The following CD164L2 variants were observed in gnomAD, a reference collection of about 807,000 sequenced individuals.
The protein encoded by CD164L2 is CD164 sialomucin-like 2 protein.
CD164L2 carries 21 observed loss-of-function variants against 23.9 expected under a neutral mutation model. That is an observed-to-expected ratio of 0.88 (90% CI 0.62 to 1.27). The LOEUF (loss-of-function observed/expected upper bound fraction) is 1.27, where lower values mean the gene tolerates loss of function less well. Ranked by LOEUF, CD164L2 falls within the 50% of genes most tolerant of loss-of-function variation. CD164L2 has a pLI of 0.00. For synonymous variants in CD164L2, 92 were observed against 90.2 expected (o/e 1.02, Z -0.11); for missense variants, 230 against 224.8 (o/e 1.02, Z -0.15).
At chr1:27,379,736 G>A (rs1387898526) in intron 5 of CD164L2, 24 of 1,444,952 alleles carry the variant, frequency 1.7e-5, no homozygotes, top group Admixed American at 1.1e-4. Flanking sequence ...CCACAGAAAC[G>A]CGGGCCACAG....
chr1:27,380,232 AC>A (rs1051739897), intron 4 of CD164L2, 37 bp from the exon 5 acceptor site: 1 of 1,591,304 alleles, frequency 6.3e-7, no homozygotes, highest in Non-Finnish European at 8.6e-7. Context: ...CATAGCAGTC[AC>A]TGTGAACCAG....
intron 3 of CD164L2, 166 bp from the exon 4 acceptor site, chr1:27,381,990 G>T: frequency 7.3e-7 from 1 of 1,366,412 alleles, no homozygotes; most frequent in Non-Finnish European, 9.9e-7. Context: ...CACCAGATGT[G>T]CTCTCTCTCC....
intron 3 of CD164L2, 135 bp from the exon 4 acceptor site, chr1:27,381,959 C>T: frequency 7.2e-7 from 1 of 1,381,210 alleles, no homozygotes; most frequent in Non-Finnish European, 9.9e-7. Context: ...AACATACTTG[C>T]AAGCCCCACA....
rs1181855575 is a variant in CD164L2 at position 27,379,431 on chromosome 1, C to T, written c.*72G>A. The T allele has an allele frequency of 6.9e-6, 7 of 1,010,322 alleles. No homozygotes were observed. Among genetic ancestry groups the T allele is most frequent in the African/African-American group, 1.6e-5 (1 of 61,594 alleles). The allele number at this position is 1,010,322 out of a possible 1,614,324, so 62.6% of individuals were successfully genotyped here. ...TTTTCCCGCCCCCGCCCCCCGCTTACCCACAAGGGTGCCCAGAGGCCACCC... is the reference window on the plus strand; with the variant it reads ...TTTTCCCGCCCCCGCCCCCCGCTTATCCACAAGGGTGCCCAGAGGCCACCC... On this transcript the variant is annotated 3_prime_UTR_variant, in exon 6 of 6. Transcript: ENST00000374030.
chr1:27,383,229 G>C lies in CD164L2; in HGVS notation c.11C>G (p.Pro4Arg). 6.5e-7 allele frequency: 1 copy of C among 1,544,662 alleles called. No individual in the cohort carries two copies. Among genetic ancestry groups the C allele is most frequent in the Non-Finnish European group, 8.7e-7 (1 of 1,146,284 alleles). Residue 4 changes from proline (P) to arginine (R), a missense_variant, in exon 1 of 6, where the codon CCG becomes CGG. Transcript: ENST00000374030. ...CGCAGTCCGCAAGGCGCGGGGTCCCGGAGCCTCCATGGGCTCGCGGGGTGG... is the reference window on the plus strand; with the variant it reads ...CGCAGTCCGCAAGGCGCGGGGTCCCCGAGCCTCCATGGGCTCGCGGGGTGG... MEA[P>R]GPRALRTALC...
chr1:27,383,209 T>G lies in CD164L2; in HGVS notation c.31A>C (p.Thr11Pro). 6.5e-7 allele frequency: 1 copy of G among 1,547,240 alleles called. No homozygotes were observed. The highest frequency in any genetic ancestry group is 8.7e-7 in the Non-Finnish European group (1 of 1,146,696). The change falls in exon 1 of 6, where the codon ACT becomes CCT. Residue 11 changes from threonine (T) to proline (P), a missense_variant. Thr to Pro is a conservative substitution (Grantham distance 38). Coordinates refer to ENST00000374030, the MANE Select transcript of CD164L2 (RefSeq NM_001330448.1). ...CAGCAACAGCCGCCACAGAGCGCAG[T>G]CCGCAAGGCGCGGGGTCCCGGAGCC... is the stretch of plus-strand genomic sequence containing the variant. Reference protein sequence around the residue: MEAPGPRALRTALCGGCCCLL... With the variant: MEAPGPRALRPALCGGCCCLL...
intron 1 of CD164L2, 61 bp downstream of exon 1, chr1:27,383,091 G>T: frequency 7.2e-7 from 1 of 1,380,474 alleles, no homozygotes. Flanking sequence ...GAGACGGCTG[G>T]CTGAGGTGCA....
At chr1:27,381,659 G>C in intron 4 of CD164L2, 121 bp downstream of exon 4, 4 of 1,063,736 alleles carry the variant, frequency 3.8e-6, no homozygotes, top group Non-Finnish European at 5.5e-6. Flanking sequence ...CAGATGCGGA[G>C]ACAGGCTCCG....
rs2016358518 is a variant in CD164L2, at chr1:27,382,584, C to G, written c.172G>C (p.Glu58Gln). The G allele has an allele frequency of 6.2e-7, 1 of 1,613,558 alleles. No homozygotes were observed. Among genetic ancestry groups the G allele is most frequent in the Non-Finnish European group, 8.5e-7 (1 of 1,179,932 alleles). The change falls in exon 2 of 6, where the codon GAG (glutamate) becomes CAG (glutamine). Residue 58 changes from glutamate (E) to glutamine (Q), a missense_variant. Physicochemically the swap from Glu to Gln is conservative, Grantham distance 29. Coordinates refer to ENST00000374030, the MANE Select transcript of CD164L2 (RefSeq NM_001330448.1). ...CCCTCCACGCAGTGCTCACAGACCT[C>G]CAGCTGTTTGCAGGCCCCTTGGACC... ...PAVQGACKQLEVCEHCVEGDG... is the reference protein window; with the variant it reads ...PAVQGACKQLQVCEHCVEGDG...
At chr1:27,382,291 C>T (rs2016349673) in intron 3 of CD164L2, 37 bp downstream of exon 3, 1 of 1,614,108 alleles carries the variant, frequency 6.2e-7, no homozygotes, top group Non-Finnish European at 8.5e-7. Flanking sequence ...GCTGGGGAGA[C>T]CCATGCAACT....
At position 27,382,511 on chromosome 1, in the gene CD164L2, G is replaced by T. The variant is rs778203250; in HGVS notation, c.245C>A (p.Pro82Gln). The T allele has an allele frequency of 3.1e-6, 5 of 1,606,624 alleles. No individual in the cohort carries two copies. The Admixed American group carries it at 8.4e-5, about 27-fold the overall frequency. Reference sequence around the variant, plus strand: ...GCTCAGCTCCATACCTGGCTCCTCTGGCCGGCACTGCTCCCACACGCAGCT... The same window carrying T: ...GCTCAGCTCCATACCTGGCTCCTCTTGCCGGCACTGCTCCCACACGCAGCT... ...LSSCVWEQCR[P>Q]EEPGHCVAQS... Residue 82 changes from proline (P) to glutamine (Q), a missense_variant, in exon 2 of 6, where the codon CCA becomes CAA. Physicochemically the swap from Pro to Gln is moderately conservative, Grantham distance 76. Transcript: ENST00000374030.
chr1:27,379,539 G>T (rs2016298995), intron 5 of CD164L2, 30 bp from the exon 6 acceptor site: 3 of 1,550,518 alleles, frequency 1.9e-6, no homozygotes, highest in Non-Finnish European at 2.6e-6. Flanking sequence ...CACTCAGGAA[G>T]GTGACACTGC....
chr1:27,383,081 G>T, intron 1 of CD164L2, 71 bp downstream of exon 1: 1 of 1,318,292 alleles, frequency 7.6e-7, no homozygotes, highest in Non-Finnish European at 1.1e-6. Flanking sequence ...TGCTCCTGGG[G>T]AGACGGCTGG....
In CD164L2 at chr1:27,379,406, T is replaced by C; in HGVS notation, c.*97A>G. On this transcript the variant is annotated 3_prime_UTR_variant, in exon 6 of 6. Coordinates refer to ENST00000374030, the MANE Select transcript of CD164L2 (RefSeq NM_001330448.1). ...GGAGCCAAAAACTGGCGGCCAGAGT[T>C]TTTCCCGCCCCCGCCCCCCGCTTAC... The C allele has an allele frequency of 8.8e-7, 1 of 1,137,896 alleles. No individual in the cohort carries two copies. The highest frequency in any genetic ancestry group is 1.3e-6 in the Non-Finnish European group (1 of 778,270). The allele number at this position is 1,137,896 out of a possible 1,614,324, so 70.5% of individuals were successfully genotyped here.
intron 3 of CD164L2, 65 bp from the exon 4 acceptor site, chr1:27,381,889 G>A (rs1382240791): frequency 4.4e-6 from 7 of 1,593,170 alleles, no homozygotes; most frequent in African/African-American, 4.0e-5. Context: ...CAAGACCCCA[G>A]CCCCCACTCA....
At chr1:27,381,999 C>T (rs973955400) in intron 3 of CD164L2, 175 bp from the exon 4 acceptor site, 24 of 1,390,144 alleles carry the variant, frequency 1.7e-5, no homozygotes, top group African/African-American at 1.4e-5. Context: ...TGCTCTCTCT[C>T]CATCTCTACC....
intron 3 of CD164L2, chr1:27,382,051 C>G: frequency 6.8e-7 from 1 of 1,466,682 alleles, no homozygotes; most frequent in Non-Finnish European, 9.1e-7. Flanking sequence ...AGGAAGCACT[C>G]CCTCTCATTC....
At chr1:27,381,845 T>C (rs1394108587) in intron 3 of CD164L2, 21 bp from the exon 4 acceptor site, 3 of 1,613,702 alleles carry the variant, frequency 1.9e-6, no homozygotes, top group Non-Finnish European at 2.5e-6. Context: ...AGGTGATCCA[T>C]AGCAAAGCAG....
At chr1:27,380,773 T>G (rs546495536) in intron 4 of CD164L2, among the ~76,000 whole-genome samples, 1 of 152,172 alleles carries the variant, frequency 6.6e-6, no homozygotes, top group South Asian at 2.1e-4. Flanking sequence ...CTGGACAGTG[T>G]GTGTCAGGGG....
Sources: allele counts gnomAD v4.1 joint callset (sites outside exome capture counted in the v4.1 genomes callset), GRCh38; gene constraint gnomAD v4.1.1; transcripts MANE v1.5; gene names NCBI Gene and HGNC (gene_info 2026-07-23, HGNC 2026-07-21).